Variants in SEPTIN11 observed in about 807,000 individuals in gnomAD.
SEPTIN11 encodes the protein septin 11, also known as septin-11.
In SEPTIN11, 25 loss-of-function variants were observed where a neutral mutation model predicts 51.4. That is an observed-to-expected ratio of 0.49 (90% CI 0.35 to 0.68). The LOEUF (loss-of-function observed/expected upper bound fraction) is 0.68, where lower values mean the gene tolerates loss of function less well. Ranked by LOEUF, SEPTIN11 falls within the 30% of genes least tolerant of loss-of-function variation. The pLI, the probability that SEPTIN11 is intolerant of heterozygous loss-of-function variation, is 0.00. For synonymous variants in SEPTIN11, 174 were observed against 184.1 expected, an observed-to-expected ratio of 0.95 and a Z score of 0.44; for missense variants, 381 against 520.8, an observed-to-expected ratio of 0.73 and a Z score of 2.61.
At chr4:76,972,100 C>T (rs978825902) in intron 1 of SEPTIN11, among the ~76,000 whole-genome samples, 2 of 152,210 alleles carry the variant, frequency 1.3e-5, no homozygotes, top group East Asian at 1.9e-4. Context: ...CTGCAAATAA[C>T]GTATTCACAT....
downstream of SEPTIN11, chr4:77,039,535 G>A: frequency 1.0e-6 from 1 of 985,268 alleles, no homozygotes; most frequent in African/African-American, 1.7e-5. Flanking sequence ...TCTGTCCCAT[G>A]AGCCACATTC....
Position 76,954,386 on chromosome 4 carries a change from T to A in SEPTIN11, c.27+4456T>A, listed in dbSNP as rs1721472333. ...GGGGTTAGCAAAGCTGAACCATTAT[T>A]TAAATGAAACCCAACACATCTAAAG... is the stretch of plus-strand genomic sequence containing the variant. On this transcript the variant is annotated intron_variant, in intron 1 of 9. Transcript: ENST00000264893. Among the ~76,000 whole-genome samples the A allele has an allele frequency of 2.0e-5, 3 of 152,206 alleles. No homozygotes were observed. In the South Asian group the frequency reaches 6.2e-4, roughly 31 times the overall value.
Position 76,951,915 on chromosome 4 carries a change from C to T in SEPTIN11, c.27+1985C>T, listed in dbSNP as rs1178951599. On this transcript the variant is annotated intron_variant, in intron 1 of 9. Coordinates refer to ENST00000264893, the MANE Select transcript of SEPTIN11 (RefSeq NM_018243.4). ...ATAGAGGAGATTTTTTTTAAGTATA[C>T]GTGCACAGAGGAAGTGACTTCTTTC... is the stretch of plus-strand genomic sequence containing the variant. Among the ~76,000 whole-genome samples the T allele has an allele frequency of 2.0e-5, 3 of 152,098 alleles. No homozygotes were observed. In the East Asian group the frequency reaches 5.8e-4, roughly 29 times the overall value.
chr4:76,975,650 T>C lies in SEPTIN11; in HGVS notation c.28-20775T>C, dbSNP rs890748337. Among the ~76,000 whole-genome samples, 9 of 152,342 alleles carry C rather than the reference T, an allele frequency of 5.9e-5. No homozygotes were observed. The South Asian group carries it at 1.9e-3, about 32-fold the overall frequency. ...TTCACTCTGATGCAGCGTATTCTTTTGGTTGAAGTACCTGAAGATCCAACC... is the reference window on the plus strand; with the variant it reads ...TTCACTCTGATGCAGCGTATTCTTTCGGTTGAAGTACCTGAAGATCCAACC... On this transcript the variant is annotated intron_variant, in intron 1 of 9. Coordinates refer to ENST00000264893, the MANE Select transcript of SEPTIN11 (RefSeq NM_018243.4).
In SEPTIN11 at chr4:76,982,953, G is replaced by GT. The variant is rs146049465; in HGVS notation, c.28-13462dup. Among the ~76,000 whole-genome samples, 102 of 147,886 alleles carry GT rather than the reference G, an allele frequency of 6.9e-4. No individual in the cohort carries two copies. The South Asian group carries it at 7.5e-3, about 11-fold the overall frequency. ...GTTTTTTTTGTTGTTTTTTGTTTTT[G>GT]TTTTTTTTTTAGCTGGGGAAATGCC... is the stretch of plus-strand genomic sequence containing the variant. On this transcript the variant is annotated intron_variant, in intron 1 of 9. Transcript: ENST00000264893.
At chr4:77,014,763 G>A in intron 4 of SEPTIN11, 93 bp from the exon 5 acceptor site, 1 of 1,293,566 alleles carries the variant, frequency 7.7e-7, no homozygotes, top group South Asian at 1.3e-5. Context: ...TTACAGTAAG[G>A]TTTTGCAATT....
intron 1 of SEPTIN11, among the ~76,000 whole-genome samples, chr4:76,978,924 T>C (rs1262892068): frequency 6.6e-6 from 1 of 152,144 alleles, no homozygotes; most frequent in Non-Finnish European, 1.5e-5. Context: ...CCTCTTAAAC[T>C]TCACTTCCTC....
At chr4:76,951,138 C>T (rs1365981190) in intron 1 of SEPTIN11, among the ~76,000 whole-genome samples, 3 of 152,152 alleles carry the variant, frequency 2.0e-5, no homozygotes, top group East Asian at 1.9e-4. Context: ...CTCAGGCTCC[C>T]GGCTCTTCCC....
intron 1 of SEPTIN11, among the ~76,000 whole-genome samples, chr4:76,965,079 A>T (rs1721977194): frequency 6.6e-6 from 1 of 152,110 alleles, no homozygotes; most frequent in South Asian, 2.1e-4. Flanking sequence ...GAGAGCAGAG[A>T]TATGCCTAAG....
chr4:76,954,324 T>G (rs1407928518), intron 1 of SEPTIN11, among the ~76,000 whole-genome samples: 1 of 152,224 alleles, frequency 6.6e-6, no homozygotes, highest in Non-Finnish European at 1.5e-5. Context: ...TTTATTGGGA[T>G]CCATCTTTCA....
chr4:77,004,986 T>TATAC (rs1358827125), intron 2 of SEPTIN11, among the ~76,000 whole-genome samples: 1 of 152,022 alleles, frequency 6.6e-6, no homozygotes, highest in Non-Finnish European at 1.5e-5. Flanking sequence ...TAAATACATA[T>TATAC]ATACATACAT....
intron 1 of SEPTIN11, among the ~76,000 whole-genome samples, chr4:76,973,418 C>T (rs1486010421): frequency 6.6e-6 from 1 of 152,154 alleles, no homozygotes; most frequent in Non-Finnish European, 1.5e-5. Flanking sequence ...ATACAGCATA[C>T]GTGTGTGTGG....
intron 5 of SEPTIN11, among the ~76,000 whole-genome samples, chr4:77,016,659 C>CACAT (rs1553975155): frequency 9.1e-5 from 6 of 65,702 alleles, no homozygotes; most frequent in African/African-American, 2.6e-4. Context: ...TATATATACA[C>CACAT]ATATATATAT....
intron 2 of SEPTIN11, among the ~76,000 whole-genome samples, chr4:77,005,217 C>A (rs1331300281): frequency 1.3e-5 from 2 of 152,170 alleles, no homozygotes; most frequent in African/African-American, 4.8e-5. Flanking sequence ...ACAGTATAGT[C>A]TTTTATCCCT....
In SEPTIN11 at chr4:77,005,709, G is replaced by A; in HGVS notation, c.251G>A (p.Ser84Asn). ...NEPGVRLKARSYELQESNVRL... is the reference protein window; with the variant it reads ...NEPGVRLKARNYELQESNVRL... ...CCAGGTGTTCGGTTAAAAGCCAGAA[G>A]TTATGAGCTTCAGGAAAGCAATGTA... The change falls in exon 3 of 10, where the codon AGT becomes AAT. Residue 84 changes from serine (S) to asparagine (N), a missense_variant. Physicochemically the swap from Ser to Asn is conservative, Grantham distance 46 (BLOSUM62 1). Around this residue, in one of 2 missense-constraint regions of SEPTIN11, gnomAD observed 184 missense variants for 207.7 expected, o/e 0.89. Coordinates refer to ENST00000264893, the MANE Select transcript of SEPTIN11 (RefSeq NM_018243.4). The A allele has an allele frequency of 6.2e-7, 1 of 1,614,060 alleles. No individual in the cohort carries two copies. The highest frequency in any genetic ancestry group is 8.5e-7 in the Non-Finnish European group (1 of 1,179,966).
chr4:77,030,887 G>C lies in SEPTIN11; in HGVS notation c.1191G>C (p.Lys397Asn). 6.2e-7 allele frequency: 1 copy of C among 1,613,778 alleles called. No individual in the cohort carries two copies. The highest frequency in any genetic ancestry group is 2.2e-5 in the East Asian group (1 of 44,858). Residue 397 changes from lysine (K) to asparagine (N), a missense_variant, in exon 9 of 10, where the codon AAG becomes AAC. Around this residue, in one of 2 missense-constraint regions of SEPTIN11, gnomAD observed 197 missense variants for 313.1 expected, o/e 0.63. Coordinates refer to ENST00000264893, the MANE Select transcript of SEPTIN11 (RefSeq NM_018243.4). The part of the protein sequence containing the change: ...ELEEEVNNFQ[K>N]KKAAAQLLQS... ...AGGAGGAGGTGAACAACTTCCAGAAGAAGAAAGCAGCGGCTCAGTTACTAC... is the reference window on the plus strand; with the variant it reads ...AGGAGGAGGTGAACAACTTCCAGAACAAGAAAGCAGCGGCTCAGTTACTAC...
chr4:76,965,118 T>C (rs1385649844), intron 1 of SEPTIN11, among the ~76,000 whole-genome samples: 1 of 152,112 alleles, frequency 6.6e-6, no homozygotes, highest in Non-Finnish European at 1.5e-5. Context: ...TAGATACTCT[T>C]GTTAGAGAGA....
At chr4:76,996,071 T>G in intron 1 of SEPTIN11, 3 of 934,092 alleles carry the variant, frequency 3.2e-6, no homozygotes, top group Non-Finnish European at 4.7e-6. Flanking sequence ...AAGCTTTTCT[T>G]GAATAATGAA....
At chr4:76,999,851 C>G (rs1578164493) in intron 2 of SEPTIN11, among the ~76,000 whole-genome samples, 1 of 152,110 alleles carries the variant, frequency 6.6e-6, no homozygotes, top group Admixed American at 6.5e-5. Flanking sequence ...TTCATCATTC[C>G]CCTTCTCTCT....
Sources: allele counts gnomAD v4.1 joint callset (sites outside exome capture counted in the v4.1 genomes callset), GRCh38; gene constraint gnomAD v4.1.1; regional missense constraint gnomAD v4.1.1; transcripts MANE v1.5; gene names NCBI Gene and HGNC (gene_info 2026-07-23, HGNC 2026-07-21).